The following PRKG1 variants were observed in gnomAD, a reference collection of about 807,000 sequenced individuals.
PRKG1 encodes cGMP-dependent protein kinase 1.
PRKG1 carries 35 observed loss-of-function variants against 88.1 expected under a neutral mutation model. That is an observed-to-expected ratio of 0.40 (90% CI 0.30 to 0.53). The LOEUF is 0.53. Ranked by LOEUF, PRKG1 falls within the 20% of genes least tolerant of loss-of-function variation. The pLI, the probability that PRKG1 is intolerant of heterozygous loss-of-function variation, is 0.59. For synonymous variants in PRKG1, 303 were observed against 292.5 expected (o/e 1.04, Z -0.37); for missense variants, 540 against 839.8 (o/e 0.64, Z 4.41).
chr10:51,534,183 A>G (rs547433312), intron 3 of PRKG1, among the ~76,000 whole-genome samples: 12 of 152,180 alleles, frequency 7.9e-5, no homozygotes, highest in Non-Finnish European at 1.5e-4. Flanking sequence ...CCAATACCCA[A>G]TTAAAGTTGT....
At chr10:51,150,948 T>C (rs1292245029) in intron 1 of PRKG1, among the ~76,000 whole-genome samples, 1 of 151,994 alleles carries the variant, frequency 6.6e-6, no homozygotes, top group Non-Finnish European at 1.5e-5. Context: ...TATAATTATG[T>C]TCTTGGAAGA....
intron 1 of PRKG1, among the ~76,000 whole-genome samples, chr10:51,075,169 C>G (rs1360139188): frequency 6.6e-6 from 1 of 152,098 alleles, no homozygotes; most frequent in Non-Finnish European, 1.5e-5. Flanking sequence ...ACCTAGTGTA[C>G]GTAGAGTTTG....
At chr10:51,853,802 C>T (rs1262902552) in intron 4 of PRKG1, among the ~76,000 whole-genome samples, 5 of 152,152 alleles carry the variant, frequency 3.3e-5, no homozygotes, top group Non-Finnish European at 7.4e-5. Context: ...GGGAGAGAAG[C>T]AGCCTCTACT....
chr10:51,316,556 C>T (rs974563203), intron 2 of PRKG1, among the ~76,000 whole-genome samples: 1 of 152,066 alleles, frequency 6.6e-6, no homozygotes, highest in Non-Finnish European at 1.5e-5. Flanking sequence ...ATGGCGGGCA[C>T]CTGTAATCCC....
intron 5 of PRKG1, among the ~76,000 whole-genome samples, chr10:51,936,257 A>T (rs1842798139): frequency 6.6e-6 from 1 of 152,012 alleles, no homozygotes; most frequent in Non-Finnish European, 1.5e-5. Flanking sequence ...TTTATGTGCC[A>T]TTATTATGAA....
At chr10:51,308,899 G>C (rs1227366984) in intron 2 of PRKG1, among the ~76,000 whole-genome samples, 1 of 152,100 alleles carries the variant, frequency 6.6e-6, no homozygotes, top group African/African-American at 2.4e-5. Flanking sequence ...TGAGGAGGGG[G>C]CACCACCAAC....
intron 3 of PRKG1, among the ~76,000 whole-genome samples, chr10:51,712,719 A>C (rs1841789038): frequency 6.6e-6 from 1 of 150,434 alleles, no homozygotes; most frequent in Admixed American, 6.7e-5. Context: ...CCTCCGGAGT[A>C]GCTGGGACTA....
intron 3 of PRKG1, among the ~76,000 whole-genome samples, chr10:51,619,751 C>T (rs1036520863): frequency 3.3e-5 from 5 of 152,080 alleles, no homozygotes; most frequent in African/African-American, 9.7e-5. Context: ...TAGGTAATTT[C>T]CCATTTATTG....
At chr10:51,434,750 G>A (rs1029483312) in intron 2 of PRKG1, among the ~76,000 whole-genome samples, 4 of 152,042 alleles carry the variant, frequency 2.6e-5, no homozygotes, top group Admixed American at 2.6e-4. Flanking sequence ...TATGTGAAGT[G>A]GAAATAGAAA....
At chr10:51,028,500 T>A (rs139263239) in intron 1 of PRKG1, among the ~76,000 whole-genome samples, 2 of 151,984 alleles carry the variant, frequency 1.3e-5, no homozygotes, top group African/African-American at 4.8e-5. Flanking sequence ...AGCTTGGCAG[T>A]CAGATGGGGA....
intron 1 of PRKG1, among the ~76,000 whole-genome samples, chr10:50,996,642 G>A (rs567403063): frequency 1.3e-5 from 2 of 152,282 alleles, no homozygotes; most frequent in South Asian, 4.1e-4. Context: ...TCAGTGCTGT[G>A]TTACAGGCAG....
At chr10:52,014,028 A>C (rs2133176404) in intron 5 of PRKG1, among the ~76,000 whole-genome samples, 1 of 152,208 alleles carries the variant, frequency 6.6e-6, no homozygotes, top group East Asian at 1.9e-4. Flanking sequence ...AGAGGAATCC[A>C]GATAGAATAC....
intron 1 of PRKG1, 83 bp downstream of exon 1, chr10:51,074,984 C>T: frequency 6.9e-7 from 1 of 1,451,938 alleles, no homozygotes; most frequent in South Asian, 1.4e-5. Context: ...TCGGCCCCCG[C>T]CCCTCCCGCT....
chr10:51,603,952 T>C (rs1175865995), intron 3 of PRKG1, among the ~76,000 whole-genome samples: 5 of 152,166 alleles, frequency 3.3e-5, no homozygotes, highest in African/African-American at 1.2e-4. Context: ...GAAAGAACAC[T>C]CCATCCGGAA....
At chr10:51,375,755 G>GA (rs1554801274) in intron 2 of PRKG1, among the ~76,000 whole-genome samples, 2 of 54,878 alleles carry the variant, frequency 3.6e-5, no homozygotes, top group African/African-American at 1.7e-4. Context: ...TGTTGGTGGT[G>GA]GGGGGGTGTT....
intron 5 of PRKG1, among the ~76,000 whole-genome samples, chr10:51,955,872 G>A (rs778092439): frequency 2.6e-5 from 4 of 152,038 alleles, no homozygotes; most frequent in Non-Finnish European, 5.9e-5. Context: ...TTCCTTTTGT[G>A]CAGGAAGAGC....
At chr10:52,085,431 C>G (rs1310053189) in intron 7 of PRKG1, among the ~76,000 whole-genome samples, 2 of 152,126 alleles carry the variant, frequency 1.3e-5, no homozygotes, top group African/African-American at 4.8e-5. Flanking sequence ...TGGTGGATTA[C>G]TATTGTGTTC....
intron 3 of PRKG1, among the ~76,000 whole-genome samples, chr10:51,765,191 C>G (rs1838126458): frequency 6.6e-6 from 1 of 152,056 alleles, no homozygotes; most frequent in Admixed American, 6.6e-5. Context: ...ATACCTTAAT[C>G]CATAGAATGA....
intron 2 of PRKG1, among the ~76,000 whole-genome samples, chr10:51,399,317 C>T (rs1478763033): frequency 6.6e-6 from 1 of 152,060 alleles, no homozygotes; most frequent in Admixed American, 6.6e-5. Flanking sequence ...TTGGAGAAAT[C>T]TTATTGGTTC....
Sources: gnomAD v4.1 joint callset for allele counts (sites outside exome capture counted in the v4.1 genomes callset) on GRCh38, gnomAD v4.1.1 for gene constraint, MANE v1.5 for transcripts, NCBI Gene and HGNC (gene_info 2026-07-23, HGNC 2026-07-21) for gene names.